The following ERBB4 variants were observed in gnomAD, a reference collection of about 807,000 sequenced individuals.
ERBB4 encodes the protein erb-b2 receptor tyrosine kinase 4, also known as receptor tyrosine-protein kinase erbB-4.
Under a neutral mutation model 158.0 loss-of-function variants are expected in ERBB4, and 42 were observed. That is an observed-to-expected ratio of 0.27 (90% CI 0.21 to 0.34). The LOEUF is 0.34. Ranked by LOEUF, ERBB4 falls within the 10% of genes least tolerant of loss-of-function variation. ERBB4 has a pLI of 1.00. For synonymous variants in ERBB4, 583 were observed against 558.7 expected, an observed-to-expected ratio of 1.04 and a Z score of -0.61; for missense variants, 1,333 against 1,624.1, an observed-to-expected ratio of 0.82 and a Z score of 3.08.
chr2:212,010,018 C>A (rs2076347213), intron 2 of ERBB4, among the ~76,000 whole-genome samples: 1 of 152,196 alleles, frequency 6.6e-6, no homozygotes, highest in Non-Finnish European at 1.5e-5. Flanking sequence ...TCAATCAATT[C>A]TTGTTAACAG....
At chr2:211,771,374 C>G (rs1397336008) in intron 4 of ERBB4, among the ~76,000 whole-genome samples, 1 of 152,168 alleles carries the variant, frequency 6.6e-6, no homozygotes, top group Admixed American at 6.6e-5. Context: ...TGAATCTAAA[C>G]ATAGTTGAAG....
chr2:212,065,037 T>C (rs2077901746), intron 2 of ERBB4, among the ~76,000 whole-genome samples: 1 of 151,288 alleles, frequency 6.6e-6, no homozygotes, highest in Non-Finnish European at 1.5e-5. Context: ...GTTGTGTGTG[T>C]GTGTGTGTTT....
intron 1 of ERBB4, among the ~76,000 whole-genome samples, chr2:212,483,309 G>T (rs1689803283): frequency 6.6e-6 from 1 of 152,172 alleles, no homozygotes; most frequent in Non-Finnish European, 1.5e-5. Flanking sequence ...CATAAGTATT[G>T]TTGATTACAT....
At chr2:211,611,525 G>A (rs948852946) in intron 19 of ERBB4, among the ~76,000 whole-genome samples, 8 of 147,540 alleles carry the variant, frequency 5.4e-5, no homozygotes, top group African/African-American at 1.9e-4. Context: ...TGTGGTTCAC[G>A]GCTTCATTCC....
chr2:211,473,612 T>G (rs561623285), intron 20 of ERBB4, among the ~76,000 whole-genome samples: 1 of 152,056 alleles, frequency 6.6e-6, no homozygotes, highest in Non-Finnish European at 1.5e-5. Context: ...ATTAGATCTA[T>G]AGCCATTTGT....
chr2:212,275,789 C>T (rs1371144638), intron 1 of ERBB4, among the ~76,000 whole-genome samples: 1 of 151,822 alleles, frequency 6.6e-6, no homozygotes, highest in African/African-American at 2.4e-5. Flanking sequence ...AAATATCCAA[C>T]TAGCATCATA....
chr2:211,687,393 G>A (rs1026504746), intron 12 of ERBB4, among the ~76,000 whole-genome samples: 1 of 151,960 alleles, frequency 6.6e-6, no homozygotes, highest in African/African-American at 2.4e-5. Flanking sequence ...AGATGAAAAT[G>A]TGAACTCCAT....
chr2:212,007,252 G>A (rs1224681125), intron 2 of ERBB4, among the ~76,000 whole-genome samples: 3 of 151,728 alleles, frequency 2.0e-5, no homozygotes, highest in African/African-American at 7.3e-5. Context: ...TCTTCTGTTT[G>A]TAAAGGAAAA....
chr2:211,660,130 T>C (rs1574940950), intron 15 of ERBB4, among the ~76,000 whole-genome samples: 1 of 152,252 alleles, frequency 6.6e-6, no homozygotes, highest in South Asian at 2.1e-4. Flanking sequence ...AGTTAGAACA[T>C]TAGGTGGGAG....
rs769707072 is a variant in ERBB4 at position 211,560,262 on chromosome 2, C to CTTTTT, written c.2487+1636_2487+1640dup. 1.1e-3 allele frequency among the ~76,000 whole-genome samples: 50 copies of CTTTTT among 46,312 alleles called. 7 individuals are homozygous for CTTTTT. The highest frequency in any genetic ancestry group is 1.4e-3 in the Non-Finnish European group (34 of 24,388). The allele number at this position is 46,312 out of a possible 152,430, so 30.4% of individuals were successfully genotyped here. On this transcript the variant is annotated intron_variant, in intron 20 of 27. Transcript: ENST00000342788. ...CAGCACTAACAAATTTGAAGCTTAG[C>CTTTTT]TTTTTTTTTTTTTTTTTTTTTTTTT...
At chr2:212,304,883 A>G (rs1051482999) in intron 1 of ERBB4, among the ~76,000 whole-genome samples, 8 of 151,502 alleles carry the variant, frequency 5.3e-5, no homozygotes, top group African/African-American at 1.9e-4. Context: ...TAACAATTCT[A>G]AATATTAATT....
chr2:211,839,221 AAG>A (rs1559562339), intron 3 of ERBB4, among the ~76,000 whole-genome samples: 5 of 148,640 alleles, frequency 3.4e-5, no homozygotes, highest in Non-Finnish European at 7.5e-5. Flanking sequence ...GAGAGAGAGA[AAG>A]AGAGAAAGAA....
chr2:211,455,632 A>G (rs959162234), intron 20 of ERBB4, among the ~76,000 whole-genome samples: 3 of 152,132 alleles, frequency 2.0e-5, no homozygotes, highest in Non-Finnish European at 1.5e-5. Context: ...AGTTCATATT[A>G]TGTTTTCTCC....
chr2:212,322,670 C>T (rs1159153846), intron 1 of ERBB4, among the ~76,000 whole-genome samples: 2 of 150,044 alleles, frequency 1.3e-5, no homozygotes, highest in African/African-American at 4.9e-5. Flanking sequence ...TGCAGCTTTT[C>T]AAATTAATAT....
At chr2:212,086,669 A>G (rs1038986165) in intron 2 of ERBB4, among the ~76,000 whole-genome samples, 1 of 152,016 alleles carries the variant, frequency 6.6e-6, no homozygotes, top group African/African-American at 2.4e-5. Flanking sequence ...CAGGGTCTTA[A>G]TTTTATAAGA....
In ERBB4 at chr2:212,136,049, C is replaced by T. The variant is rs551081451; in HGVS notation, c.83-11146G>A. Reference sequence around the variant, plus strand: ...ATTATCATGCCTTCAACCATCCCCTCGTGTCTAATAAAAACCAGCCTGATT... The same window carrying T: ...ATTATCATGCCTTCAACCATCCCCTTGTGTCTAATAAAAACCAGCCTGATT... On this transcript the variant is annotated intron_variant, in intron 1 of 27. Coordinates refer to ENST00000342788, the MANE Select transcript of ERBB4 (RefSeq NM_005235.3). Among the ~76,000 whole-genome samples the T allele has an allele frequency of 3.5e-4, 53 of 152,164 alleles. 1 individual carries two copies. Among genetic ancestry groups the T allele is most frequent in the Non-Finnish European group, 8.8e-5 (6 of 68,026 alleles).
At chr2:212,029,937 T>C (rs2076862308) in intron 2 of ERBB4, among the ~76,000 whole-genome samples, 1 of 152,122 alleles carries the variant, frequency 6.6e-6, no homozygotes, top group Non-Finnish European at 1.5e-5. Context: ...AATCTGTACT[T>C]TTCTGCCACA....
At chr2:211,498,703 G>A (rs2065537853) in intron 20 of ERBB4, among the ~76,000 whole-genome samples, 1 of 151,946 alleles carries the variant, frequency 6.6e-6, no homozygotes, top group Admixed American at 6.6e-5. Context: ...CTAAAAACGG[G>A]GTCATTCCTA....
intron 1 of ERBB4, among the ~76,000 whole-genome samples, chr2:212,413,506 G>C (rs1416383400): frequency 1.3e-5 from 2 of 151,834 alleles, no homozygotes; most frequent in East Asian, 1.9e-4. Context: ...TTTAATTATG[G>C]TGATCATAAT....
Sources: allele counts gnomAD v4.1 joint callset (sites outside exome capture counted in the v4.1 genomes callset), GRCh38; gene constraint gnomAD v4.1.1; transcripts MANE v1.5; gene names NCBI Gene and HGNC (gene_info 2026-07-23, HGNC 2026-07-21).